CLDN10: variants seen among roughly 807,000 people sequenced by gnomAD.
The protein encoded by CLDN10 is claudin-10.
Under a neutral mutation model 22.9 loss-of-function variants are expected in CLDN10, and 15 were observed. That is an observed-to-expected ratio of 0.65 (90% CI 0.44 to 1.01). The LOEUF is 1.01. CLDN10 is among the 50% of genes least tolerant of loss of function. The pLI is 0.00. For missense variants in CLDN10, 247 were observed against 287.8 expected (o/e 0.86, Z 1.03); for synonymous variants, 114 against 111.4 (o/e 1.02, Z -0.15).
At chr13:95,522,728 A>C (rs1015294973) in intron 1 of CLDN10, among the ~76,000 whole-genome samples, 1 of 152,034 alleles carries the variant, frequency 6.6e-6, no homozygotes, top group African/African-American at 2.4e-5. Context: ...TTTTTGAGGC[A>C]ATTTTATTAA....
intron 1 of CLDN10, among the ~76,000 whole-genome samples, chr13:95,530,453 T>C (rs958249962): frequency 6.6e-6 from 1 of 152,318 alleles, no homozygotes; most frequent in Admixed American, 6.5e-5. Flanking sequence ...CAAATCCATC[T>C]GGGGTGGCAA....
intron 1 of CLDN10, among the ~76,000 whole-genome samples, chr13:95,450,431 G>A (rs78628387): frequency 0.078 from 11,836 of 152,110 alleles, 693 homozygotes; most frequent in South Asian, 0.22. Context: ...TCTTTTTCTC[G>A]TGTTGCTCTG....
At chr13:95,477,516 G>A (rs76009973) in intron 1 of CLDN10, among the ~76,000 whole-genome samples, 13,453 of 152,202 alleles carry the variant, frequency 0.088, 858 homozygotes, top group South Asian at 0.22. Context: ...CATATTATTG[G>A]GTTGCACAGA....
chr13:95,463,078 C>G (rs1022695927), intron 1 of CLDN10, among the ~76,000 whole-genome samples: 1 of 151,862 alleles, frequency 6.6e-6, no homozygotes, highest in Non-Finnish European at 1.5e-5. Flanking sequence ...AGGGCAAGCC[C>G]TCTAACCAGG....
intron 1 of CLDN10, among the ~76,000 whole-genome samples, chr13:95,532,959 CAAG>C (rs1228180049): frequency 6.6e-6 from 1 of 151,742 alleles, no homozygotes; most frequent in African/African-American, 2.4e-5. Context: ...GTGGAAAACA[CAAG>C]AAAAACGGGG....
intron 1 of CLDN10, among the ~76,000 whole-genome samples, chr13:95,472,311 A>G (rs2042641103): frequency 6.6e-6 from 1 of 152,182 alleles, no homozygotes; most frequent in Non-Finnish European, 1.5e-5. Flanking sequence ...GATAACAAAT[A>G]CATTCAAAAA....
At chr13:95,515,573 C>T (rs1363648637) in intron 1 of CLDN10, among the ~76,000 whole-genome samples, 1 of 152,150 alleles carries the variant, frequency 6.6e-6, no homozygotes, top group African/African-American at 2.4e-5. Context: ...TGAAGTGAGG[C>T]TCTGAGTCAG....
At chr13:95,574,071 T>C (rs963426088) in intron 3 of CLDN10, among the ~76,000 whole-genome samples, 1 of 152,228 alleles carries the variant, frequency 6.6e-6, no homozygotes, top group Non-Finnish European at 1.5e-5. Flanking sequence ...TATGGCTGTA[T>C]AGTATTCCAT....
chr13:95,504,681 T>G (rs1161472773), intron 1 of CLDN10, among the ~76,000 whole-genome samples: 1 of 151,908 alleles, frequency 6.6e-6, no homozygotes, highest in Non-Finnish European at 1.5e-5. Context: ...CGCCTGGCAA[T>G]TTTAAAATAT....
intron 1 of CLDN10, among the ~76,000 whole-genome samples, chr13:95,537,838 T>G (rs1350116787): frequency 6.6e-6 from 1 of 152,230 alleles, no homozygotes; most frequent in African/African-American, 2.4e-5. Context: ...TAATTTGGAT[T>G]GGCTTCCAGC....
intron 1 of CLDN10, among the ~76,000 whole-genome samples, chr13:95,501,525 C>T (rs2138539586): frequency 6.6e-6 from 1 of 152,230 alleles, no homozygotes; most frequent in South Asian, 2.1e-4. Context: ...TATGAAATGA[C>T]TCTAATCATT....
chr13:95,565,524 C>T (rs1221935793), intron 3 of CLDN10, among the ~76,000 whole-genome samples: 1 of 152,106 alleles, frequency 6.6e-6, no homozygotes, highest in South Asian at 2.1e-4. Flanking sequence ...ACTTCTCATT[C>T]CTGGCATGTA....
At chr13:95,468,758 G>A (rs2139098423) in intron 1 of CLDN10, among the ~76,000 whole-genome samples, 1 of 152,080 alleles carries the variant, frequency 6.6e-6, no homozygotes, top group East Asian at 1.9e-4. Flanking sequence ...AACGGCCTGG[G>A]TGCTAAGGAC....
At chr13:95,482,176 C>T (rs4547209) in intron 1 of CLDN10, among the ~76,000 whole-genome samples, 90,233 of 151,994 alleles carry the variant, frequency 0.59, 28,004 homozygotes, top group African/African-American at 0.79. Flanking sequence ...TGTATCAAAA[C>T]GTCCCATGTA....
At chr13:95,507,388 C>T (rs2043049048) in intron 1 of CLDN10, among the ~76,000 whole-genome samples, 6 of 152,124 alleles carry the variant, frequency 3.9e-5, no homozygotes, top group Admixed American at 3.9e-4. Flanking sequence ...GAAGGCATGA[C>T]TTCATGTATG....
At chr13:95,576,825 C>T (rs898808763) in intron 3 of CLDN10, among the ~76,000 whole-genome samples, 7 of 152,336 alleles carry the variant, frequency 4.6e-5, no homozygotes, top group Middle Eastern at 3.4e-3. Context: ...ATTGAACTAA[C>T]ATGAAAGCAA....
chr13:95,567,789 TG>T (rs2043804581), intron 3 of CLDN10, among the ~76,000 whole-genome samples: 1 of 152,176 alleles, frequency 6.6e-6, no homozygotes, highest in South Asian at 2.1e-4. Context: ...TTTTGAGATG[TG>T]TTCCATCAAT....
chr13:95,478,779 A>G (rs1442032996), intron 1 of CLDN10, among the ~76,000 whole-genome samples: 1 of 152,160 alleles, frequency 6.6e-6, no homozygotes, highest in Non-Finnish European at 1.5e-5. Context: ...TGTGACAGTG[A>G]GTTACAGCCT....
At position 95,493,608 on chromosome 13, in the gene CLDN10, G is replaced by A. The variant is rs576733912; in HGVS notation, c.214+59561G>A. 1.0e-3 allele frequency among the ~76,000 whole-genome samples: 152 copies of A among 149,644 alleles called. 1 individual carries two copies. The highest frequency in any genetic ancestry group is 3.4e-3 in the African/African-American group (136 of 40,502). On this transcript the variant is annotated intron_variant, in intron 1 of 4. Transcript: ENST00000376873. ...CAGTCTCACTCTGTCACCTAGGCTGGAGTACAATGGCATGATCTTGGCTCC... is the reference window on the plus strand; with the variant it reads ...CAGTCTCACTCTGTCACCTAGGCTGAAGTACAATGGCATGATCTTGGCTCC...
Sources: gnomAD v4.1 joint callset for allele counts (sites outside exome capture counted in the v4.1 genomes callset) on GRCh38, gnomAD v4.1.1 for gene constraint, MANE v1.5 for transcripts, NCBI Gene and HGNC (gene_info 2026-07-23, HGNC 2026-07-21) for gene names.